Variants in TEX11 observed in about 807,000 individuals in gnomAD.
TEX11 encodes the protein testis expressed 11.
TEX11 carries 7 observed loss-of-function variants against 84.4 expected under a neutral mutation model. The ratio of observed to expected loss-of-function variants is 0.08; its 90% confidence interval spans 0.05 to 0.16. The LOEUF is 0.16. Ranked by LOEUF, TEX11 falls within the 10% of genes least tolerant of loss-of-function variation. TEX11 has a pLI of 1.00. For missense variants in TEX11, 551 were observed against 660.5 expected, an observed-to-expected ratio of 0.83 and a Z score of 1.82; for synonymous variants, 264 against 222.8, an observed-to-expected ratio of 1.18 and a Z score of -1.64.
At chrX:70,584,636 TA>T (rs1025083729) in intron 25 of TEX11, among the ~76,000 whole-genome samples, 24 of 111,486 alleles carry the variant, frequency 2.2e-4, no homozygotes, top group Non-Finnish European at 4.0e-4. Flanking sequence ...GGATATCAAT[TA>T]AAAAAACCCC....
chrX:70,600,457 A>G (rs1371254625), intron 24 of TEX11, among the ~76,000 whole-genome samples: 4 of 111,074 alleles, frequency 3.6e-5, no homozygotes, highest in Non-Finnish European at 5.7e-5. Context: ...AGACAGATCA[A>G]TGAGACAGAA....
chrX:70,572,487 C>A (rs1473295832), intron 25 of TEX11, among the ~76,000 whole-genome samples: 3 of 111,059 alleles, frequency 2.7e-5, no homozygotes, highest in Admixed American at 9.6e-5. Context: ...TTGACCCAGC[C>A]ATCCCATTAC....
chrX:70,826,544 C>A (rs868555889), intron 8 of TEX11, among the ~76,000 whole-genome samples: 1 of 111,765 alleles, frequency 8.9e-6, no homozygotes, highest in African/African-American at 3.3e-5. Flanking sequence ...AAGGCCACCC[C>A]TCCCCGCTTC....
intron 28 of TEX11, among the ~76,000 whole-genome samples, chrX:70,547,312 C>T (rs1324128003): frequency 9.0e-6 from 1 of 110,801 alleles, no homozygotes; most frequent in Non-Finnish European, 1.9e-5. Context: ...GGAGGAAGGA[C>T]GGAGCAAGAT....
At chrX:70,698,517 TC>T (rs1454406138) in intron 13 of TEX11, among the ~76,000 whole-genome samples, 1 of 98,471 alleles carries the variant, frequency 1.0e-5, no homozygotes, top group Non-Finnish European at 2.0e-5. Context: ...ATAGATAGGT[TC>T]CCCCCAGCAA....
chrX:70,652,645 G>T (rs1443252432), intron 16 of TEX11, among the ~76,000 whole-genome samples: 2 of 111,856 alleles, frequency 1.8e-5, no homozygotes, highest in Non-Finnish European at 3.8e-5. Context: ...AGTGAAGTTA[G>T]TAGGAAACAG....
At chrX:70,739,515 G>A (rs1406106354) in intron 11 of TEX11, among the ~76,000 whole-genome samples, 3 of 107,298 alleles carry the variant, frequency 2.8e-5, no homozygotes, top group African/African-American at 1.0e-4. Context: ...GGGTTCAAGC[G>A]ATTCTCCTGC....
At chrX:70,735,114 A>G (rs773860942) in intron 11 of TEX11, among the ~76,000 whole-genome samples, 1 of 110,988 alleles carries the variant, frequency 9.0e-6, no homozygotes, top group East Asian at 2.8e-4. Flanking sequence ...GTGCAATGGC[A>G]CAATCTTGGC....
intron 28 of TEX11, among the ~76,000 whole-genome samples, chrX:70,542,414 G>C (rs905505043): frequency 9.0e-6 from 1 of 111,451 alleles, no homozygotes; most frequent in African/African-American, 3.3e-5. Context: ...TGGTATTTTT[G>C]TTATAGCAGC....
chrX:70,792,335 TATATATATATATATATATATATACAC>T (rs1229732235), intron 9 of TEX11, among the ~76,000 whole-genome samples: 172 of 7,385 alleles, frequency 0.023, 15 homozygotes, highest in East Asian at 0.16. Context: ...TATATATATA[TATATATATATATATATATATATACAC>T]ACACAAATAT....
chrX:70,517,662 T>A, the TEX11 span, among the ~76,000 whole-genome samples: 9 of 112,021 alleles, frequency 8.0e-5, no homozygotes, highest in African/African-American at 2.9e-4. Flanking sequence ...GGATTCCTTC[T>A]TTTTCTATTG....
intron 2 of TEX11, among the ~76,000 whole-genome samples, chrX:70,907,277 T>C (rs896704056): frequency 1.8e-5 from 2 of 112,101 alleles, no homozygotes; most frequent in African/African-American, 6.5e-5. Flanking sequence ...TTGTGAATTC[T>C]GTCTCCCTAC....
intron 4 of TEX11, among the ~76,000 whole-genome samples, chrX:70,861,287 T>C (rs1307160570): frequency 9.3e-6 from 1 of 107,594 alleles, no homozygotes; most frequent in Non-Finnish European, 1.9e-5. Flanking sequence ...GGTCTCGATC[T>C]CCTGACCTCG....
chrX:70,658,178 G>A (rs1029097873), intron 16 of TEX11, among the ~76,000 whole-genome samples: 1 of 111,826 alleles, frequency 8.9e-6, no homozygotes, highest in African/African-American at 3.3e-5. Flanking sequence ...ACTTTGGGAG[G>A]CTGAGAAGGG....
the TEX11 span, among the ~76,000 whole-genome samples, chrX:70,516,606 T>C: frequency 8.9e-6 from 1 of 111,822 alleles, no homozygotes; most frequent in East Asian, 2.8e-4. Flanking sequence ...CAATGCGGGC[T>C]CTTTTTTGGT....
At chrX:70,733,045 A>C (rs1315197210) in intron 11 of TEX11, among the ~76,000 whole-genome samples, 1 of 112,112 alleles carries the variant, frequency 8.9e-6, no homozygotes, top group Non-Finnish European at 1.9e-5. Context: ...AAAACAAGCA[A>C]TGGGGAAAGG....
intron 21 of TEX11, 27 bp from the exon 22 acceptor site, chrX:70,609,204 T>C: frequency 1.7e-6 from 2 of 1,153,959 alleles, no homozygotes; most frequent in Non-Finnish European, 2.4e-6. Flanking sequence ...AATTTGATAC[T>C]GATGGTCTTA....
At chrX:70,878,807 T>C (rs1313509926) in intron 3 of TEX11, among the ~76,000 whole-genome samples, 1 of 107,360 alleles carries the variant, frequency 9.3e-6, no homozygotes, top group Non-Finnish European at 1.9e-5. Flanking sequence ...AATGAAAACA[T>C]AAAAATCTGT....
At chrX:70,752,041 G>A (rs1412714110) in intron 9 of TEX11, among the ~76,000 whole-genome samples, 1 of 111,930 alleles carries the variant, frequency 8.9e-6, no homozygotes, top group African/African-American at 3.2e-5. Context: ...AGAAATTCAG[G>A]AAATTACACC....
Sources: allele counts gnomAD v4.1 joint callset (sites outside exome capture counted in the v4.1 genomes callset), GRCh38; gene constraint gnomAD v4.1.1; transcripts MANE v1.5; gene names NCBI Gene and HGNC (gene_info 2026-07-23, HGNC 2026-07-21).